PRKACA: variants seen among roughly 807,000 people sequenced by gnomAD.
The protein encoded by PRKACA is cAMP-dependent protein kinase catalytic subunit alpha.
Under a neutral mutation model 45.8 loss-of-function variants are expected in PRKACA, and 9 were observed. The observed-to-expected ratio is 0.20, with a 90% confidence interval of 0.12 to 0.34. PRKACA has a LOEUF of 0.34. Ranked by LOEUF, PRKACA falls within the 10% of genes least tolerant of loss-of-function variation. The probability of loss-of-function intolerance (pLI) is 1.00; values close to 1 mark genes in which losing one functional copy is unlikely to be tolerated. For missense variants in PRKACA, 238 were observed against 458.6 expected (o/e 0.52, Z 4.39); for synonymous variants, 160 against 178.6 (o/e 0.90, Z 0.83).
At chr19:14,109,959 AAAAAAAAT>A (rs1977727569) in intron 1 of PRKACA, among the ~76,000 whole-genome samples, 1 of 72,438 alleles carries the variant, frequency 1.4e-5, no homozygotes, top group African/African-American at 5.3e-5. Context: ...AAAAAAAAAA[AAAAAAAAT>A]ATATATATAT....
At chr19:14,108,970 T>C (rs1599347637) in intron 1 of PRKACA, among the ~76,000 whole-genome samples, 1 of 145,098 alleles carries the variant, frequency 6.9e-6, no homozygotes, top group Admixed American at 6.8e-5. Flanking sequence ...TCAGGTGATC[T>C]GCCCACCTTG....
At chr19:14,109,987 TATATATATATATACACAC>T (rs1361815003) in intron 1 of PRKACA, among the ~76,000 whole-genome samples, 7 of 82,656 alleles carry the variant, frequency 8.5e-5, no homozygotes, top group African/African-American at 3.8e-4. Flanking sequence ...TATATATATA[TATATATATATATACACAC>T]ACACACACAC....
intron 5 of PRKACA, 164 bp from the exon 6 acceptor site, chr19:14,098,054 G>C (rs1977316808): frequency 2.5e-6 from 2 of 801,052 alleles, no homozygotes; most frequent in Non-Finnish European, 3.9e-6. Flanking sequence ...CAGCCTGTGG[G>C]TCCATCCACA....
At chr19:14,111,603 T>C (rs1003143489) in intron 1 of PRKACA, among the ~76,000 whole-genome samples, 1 of 152,138 alleles carries the variant, frequency 6.6e-6, no homozygotes, top group African/African-American at 2.4e-5. Flanking sequence ...GAACCTTTGT[T>C]TGAGTGTTTT....
chr19:14,109,965 AATATATATATATATAT>A (rs1188333013), intron 1 of PRKACA, among the ~76,000 whole-genome samples: 11 of 23,772 alleles, frequency 4.6e-4, no homozygotes, highest in Admixed American at 4.3e-3. Flanking sequence ...AAAAAAAAAA[AATATATATATATATAT>A]ATATATATAT....
At position 14,097,006 on chromosome 19, in the gene PRKACA, C is replaced by T; in HGVS notation, c.765+355G>A. ...TATGGACAGCACCTGGGAACAGGAACCAAATACATTCGTTTTTCTGCCTTG... is the reference window on the plus strand; with the variant it reads ...TATGGACAGCACCTGGGAACAGGAATCAAATACATTCGTTTTTCTGCCTTG... On this transcript the variant is annotated intron_variant, in intron 8 of 9. Coordinates refer to ENST00000308677, the MANE Select transcript of PRKACA (RefSeq NM_002730.4). The surrounding 1 kb of genome is among the most constrained non-coding windows in gnomAD (Gnocchi z 5.4). 1 of 356,864 alleles carries T rather than the reference C, an allele frequency of 2.8e-6. No individual in the cohort carries two copies. The highest frequency in any genetic ancestry group is 2.2e-5 in the South Asian group (1 of 45,748). 22.1% of individuals were successfully genotyped at this position (356,864 alleles called of 1,614,324 possible). A position where few individuals can be genotyped will look rare whatever the true frequency, so the allele number is the denominator to read the frequency against.
intron 1 of PRKACA, among the ~76,000 whole-genome samples, chr19:14,116,905 A>T (rs1005444189): frequency 2.8e-4 from 42 of 151,556 alleles, no homozygotes; most frequent in Admixed American, 9.2e-4. Flanking sequence ...GACACAGAAG[A>T]AAAAAATAAT....
chr19:14,099,441 T>C (rs892736144), intron 5 of PRKACA, among the ~76,000 whole-genome samples: 4 of 151,332 alleles, frequency 2.6e-5, no homozygotes, highest in African/African-American at 9.7e-5. Flanking sequence ...GCTTATGCAG[T>C]CTTTTTTTTT....
intron 1 of PRKACA, chr19:14,114,124 T>A (rs1967050326): frequency 6.2e-7 from 1 of 1,610,298 alleles, no homozygotes; most frequent in African/African-American, 1.3e-5. Context: ...GTAACAGGAC[T>A]CAGCCTCACC....
At chr19:14,100,304 AT>A (rs542748507) in intron 5 of PRKACA, among the ~76,000 whole-genome samples, 4 of 142,174 alleles carry the variant, frequency 2.8e-5, no homozygotes, top group Admixed American at 1.4e-4. Context: ...AACAACTTCA[AT>A]TTTTTTTTTT....
At chr19:14,114,196 G>T in intron 1 of PRKACA, 1 of 1,604,196 alleles carries the variant, frequency 6.2e-7, no homozygotes, top group East Asian at 2.3e-5. Flanking sequence ...TACGGTGGCT[G>T]GGAAGGCTCA....
intron 2 of PRKACA, 61 bp downstream of exon 2, chr19:14,107,287 C>T (rs1408675106): frequency 2.0e-6 from 3 of 1,517,058 alleles, no homozygotes; most frequent in Non-Finnish European, 2.7e-6. Flanking sequence ...TGCTGGGACA[C>T]AGCCAGGGGC....
At chr19:14,114,000 G>A in intron 1 of PRKACA, 1 of 991,518 alleles carries the variant, frequency 1.0e-6, no homozygotes, top group Admixed American at 2.0e-5. Context: ...TGTACAGGAG[G>A]CGTTTCCAGG....
intron 1 of PRKACA, 172 bp from the exon 2 acceptor site, chr19:14,107,581 CTA>C: frequency 7.7e-7 from 1 of 1,301,692 alleles, no homozygotes; most frequent in Non-Finnish European, 1.0e-6. Flanking sequence ...GCCTCCCTTG[CTA>C]CAGAGAGGTG....
intron 1 of PRKACA, among the ~76,000 whole-genome samples, chr19:14,114,661 C>A (rs1024022330): frequency 3.9e-5 from 6 of 152,140 alleles, no homozygotes; most frequent in Non-Finnish European, 1.5e-5. Context: ...GACCTGGGCG[C>A]CTGCCCCCTG....
intron 8 of PRKACA, among the ~76,000 whole-genome samples, chr19:14,095,421 G>A (rs1354740486): frequency 2.0e-5 from 3 of 151,732 alleles, no homozygotes; most frequent in African/African-American, 4.8e-5. Flanking sequence ...CGCCCGCCTC[G>A]GCCTCCCAAA....
chr19:14,111,464 TA>T (rs1158665426), intron 1 of PRKACA, among the ~76,000 whole-genome samples: 2 of 150,934 alleles, frequency 1.3e-5, no homozygotes, highest in Non-Finnish European at 2.9e-5. Flanking sequence ...GGCCCCACAA[TA>T]AATGACCAGG....
At chr19:14,099,447 T>A (rs1397955606) in intron 5 of PRKACA, among the ~76,000 whole-genome samples, 2 of 152,010 alleles carry the variant, frequency 1.3e-5, no homozygotes, top group African/African-American at 4.8e-5. Flanking sequence ...GCAGTCTTTT[T>A]TTTTTTTTGC....
rs765484342 is a variant in PRKACA at position 14,093,084 on chromosome 19, G to T, written c.*28C>A. On this transcript the variant is annotated 3_prime_UTR_variant, in exon 10 of 10. Transcript: ENST00000308677. ...ACCAAAAAAAAGAAAAAAGAAAAAAGAAAACCCATGGGGGCACAGGCATGC... is the reference window on the plus strand; with the variant it reads ...ACCAAAAAAAAGAAAAAAGAAAAAATAAAACCCATGGGGGCACAGGCATGC... 4.6e-6 allele frequency: 4 copies of T among 863,484 alleles called. No individual in the cohort carries two copies. The East Asian group carries it at 3.3e-4, about 72-fold the overall frequency. 53.5% of individuals were successfully genotyped at this position (863,484 alleles called of 1,614,324 possible).
Sources: allele counts gnomAD v4.1 joint callset (sites outside exome capture counted in the v4.1 genomes callset), GRCh38; gene constraint gnomAD v4.1.1; non-coding constraint Gnocchi (gnomAD v3.1); transcripts MANE v1.5; gene names NCBI Gene and HGNC (gene_info 2026-07-23, HGNC 2026-07-21).